TENM4: variants seen among roughly 807,000 people sequenced by gnomAD.
TENM4 encodes teneurin-4.
TENM4 carries 82 observed loss-of-function variants against 243.3 expected under a neutral mutation model. That is an observed-to-expected ratio of 0.34 (90% CI 0.28 to 0.40). The LOEUF (loss-of-function observed/expected upper bound fraction) is 0.40, where lower values mean the gene tolerates loss of function less well. Ranked by LOEUF, TENM4 falls within the 10% of genes least tolerant of loss-of-function variation. The probability of loss-of-function intolerance (pLI) is 1.00; values close to 1 mark genes in which losing one functional copy is unlikely to be tolerated. For missense variants in TENM4, 3,138 were observed against 3,673.3 expected, an observed-to-expected ratio of 0.85 and a Z score of 3.77; for synonymous variants, 1,412 against 1,456.3, an observed-to-expected ratio of 0.97 and a Z score of 0.69.
intron 10 of TENM4, among the ~76,000 whole-genome samples, chr11:78,862,206 G>A (rs925085453): frequency 2.0e-5 from 3 of 152,104 alleles, no homozygotes; most frequent in East Asian, 1.9e-4. Flanking sequence ...TGGAGATAGC[G>A]AGAGCCCTGG....
At chr11:79,244,180 A>G (rs1340163118) in intron 2 of TENM4, among the ~76,000 whole-genome samples, 2 of 152,176 alleles carry the variant, frequency 1.3e-5, no homozygotes, top group Non-Finnish European at 2.9e-5. Context: ...CTTGCATTTT[A>G]TAAAAGTCCC....
chr11:78,857,286 C>T (rs1402628509), intron 10 of TENM4, among the ~76,000 whole-genome samples: 1 of 152,048 alleles, frequency 6.6e-6, no homozygotes, highest in Non-Finnish European at 1.5e-5. Flanking sequence ...TAGAGATGTT[C>T]GAAGAGACAC....
chr11:79,428,611 C>T lies in TENM4; in HGVS notation c.-321+11898G>A, dbSNP rs1316945302. Among the ~76,000 whole-genome samples the T allele has an allele frequency of 4.6e-5, 7 of 152,346 alleles. No individual in the cohort carries two copies. The East Asian group carries it at 1.4e-3, about 29-fold the overall frequency. On this transcript the variant is annotated intron_variant, in intron 1 of 33. Transcript: ENST00000278550. Reference sequence around the variant, plus strand: ...GTAGGTCAAAGGACTATCATGACATCTCCAGGCAAGGGCCAGGCATTTCCC... The same window carrying T: ...GTAGGTCAAAGGACTATCATGACATTTCCAGGCAAGGGCCAGGCATTTCCC...
intron 2 of TENM4, among the ~76,000 whole-genome samples, chr11:79,294,667 G>A (rs1856417367): frequency 6.6e-6 from 1 of 152,256 alleles, no homozygotes; most frequent in Middle Eastern, 3.4e-3. Context: ...TGGCCAACAT[G>A]GTGAAACCCT....
At chr11:78,713,619 C>T (rs56664283) in intron 25 of TENM4, among the ~76,000 whole-genome samples, 10,292 of 152,180 alleles carry the variant, frequency 0.068, 840 homozygotes, top group African/African-American at 0.2. Flanking sequence ...TCGAATAGTC[C>T]TTATGTGCAA....
At position 79,089,756 on chromosome 11, in the gene TENM4, C is replaced by T. The variant is rs545299336; in HGVS notation, c.-65-19747G>A. Among the ~76,000 whole-genome samples the T allele has an allele frequency of 1.9e-4, 29 of 152,306 alleles. 1 individual carries two copies. The highest frequency in any genetic ancestry group is 6.0e-4 in the African/African-American group (25 of 41,570). ...TGAGACCTGGCTTTGTGATGCTAGA[C>T]GAATGACACTAATACACCAATAACA... is the stretch of plus-strand genomic sequence containing the variant. On this transcript the variant is annotated intron_variant, in intron 4 of 33. Coordinates refer to ENST00000278550, the MANE Select transcript of TENM4 (RefSeq NM_001098816.3).
intron 6 of TENM4, among the ~76,000 whole-genome samples, chr11:79,043,375 T>G (rs2136910127): frequency 6.6e-6 from 1 of 152,236 alleles, no homozygotes; most frequent in African/African-American, 2.4e-5. Flanking sequence ...GCCATATGAG[T>G]AATTCAGGCC....
At chr11:79,133,795 A>G (rs1207775096) in intron 4 of TENM4, among the ~76,000 whole-genome samples, 1 of 152,220 alleles carries the variant, frequency 6.6e-6, no homozygotes, top group African/African-American at 2.4e-5. Flanking sequence ...AAAATTCAGC[A>G]TCCCTTTATG....
At chr11:78,926,319 C>T (rs895739453) in intron 6 of TENM4, among the ~76,000 whole-genome samples, 1 of 150,482 alleles carries the variant, frequency 6.6e-6, no homozygotes, top group Non-Finnish European at 1.5e-5. Context: ...CTCTGTCGCC[C>T]AGGCTGGAGT....
At chr11:79,251,596 G>A (rs2135304704) in intron 2 of TENM4, among the ~76,000 whole-genome samples, 1 of 152,132 alleles carries the variant, frequency 6.6e-6, no homozygotes, top group Middle Eastern at 3.4e-3. Flanking sequence ...TACATCACCT[G>A]AAAATGAGAT....
chr11:78,986,777 T>A (rs1478454170), intron 6 of TENM4, among the ~76,000 whole-genome samples: 2 of 152,204 alleles, frequency 1.3e-5, no homozygotes, highest in Non-Finnish European at 2.9e-5. Context: ...TTTTGCCATA[T>A]TGGCCAGGCT....
chr11:79,070,202 T>C (rs1860376382), intron 4 of TENM4, among the ~76,000 whole-genome samples, 193 bp from the exon 5 acceptor site: 1 of 152,184 alleles, frequency 6.6e-6, no homozygotes, highest in Non-Finnish European at 1.5e-5. Flanking sequence ...TTACAAATCC[T>C]GGCCCTTTTT....
At chr11:79,244,697 A>C (rs765198304) in intron 2 of TENM4, among the ~76,000 whole-genome samples, 13 of 152,356 alleles carry the variant, frequency 8.5e-5, no homozygotes, top group South Asian at 2.1e-4. Context: ...GGGGAATCTG[A>C]AATGAATCAT....
At chr11:79,058,525 C>T (rs941782505) in intron 6 of TENM4, among the ~76,000 whole-genome samples, 1 of 144,808 alleles carries the variant, frequency 6.9e-6, no homozygotes, top group Non-Finnish European at 1.5e-5. Context: ...GCCTGGACGA[C>T]AGAGTGAGAC....
chr11:79,386,922 C>T (rs1334818970), intron 1 of TENM4, among the ~76,000 whole-genome samples: 1 of 152,048 alleles, frequency 6.6e-6, no homozygotes, highest in African/African-American at 2.4e-5. Context: ...ACCCCAAGAC[C>T]AAATTAGTAC....
chr11:79,341,794 T>C (rs1210285879), intron 1 of TENM4, among the ~76,000 whole-genome samples: 1 of 152,220 alleles, frequency 6.6e-6, no homozygotes, highest in African/African-American at 2.4e-5. Context: ...AACAATGACC[T>C]AAAGCACATT....
intron 6 of TENM4, among the ~76,000 whole-genome samples, chr11:79,032,361 C>A (rs1201742723): frequency 2.6e-5 from 4 of 152,142 alleles, no homozygotes; most frequent in African/African-American, 7.2e-5. Context: ...CTCTTGTCCC[C>A]CTGCTTTATC....
At chr11:79,139,697 T>C (rs1377429195) in intron 4 of TENM4, among the ~76,000 whole-genome samples, 1 of 101,564 alleles carries the variant, frequency 9.8e-6, no homozygotes. Context: ...ATAAAATATA[T>C]ATAATATTTA....
In TENM4 at chr11:78,693,907, C is replaced by T. The variant is rs1204383016; in HGVS notation, c.5088-5681G>A. Among the ~76,000 whole-genome samples the T allele has an allele frequency of 5.3e-5, 8 of 151,928 alleles. No individual in the cohort carries two copies. The South Asian group carries it at 6.3e-4, about 12-fold the overall frequency. On this transcript the variant is annotated intron_variant, in intron 28 of 33. Coordinates refer to ENST00000278550, the MANE Select transcript of TENM4 (RefSeq NM_001098816.3). Reference sequence around the variant, plus strand: ...CTGGGTGCCTGTAATCCCAGCTACTCGGGAGGCTGAGGCAGGAGATTTGAT... The same window carrying T: ...CTGGGTGCCTGTAATCCCAGCTACTTGGGAGGCTGAGGCAGGAGATTTGAT...
Sources: allele counts gnomAD v4.1 joint callset (sites outside exome capture counted in the v4.1 genomes callset), GRCh38; gene constraint gnomAD v4.1.1; transcripts MANE v1.5; gene names NCBI Gene and HGNC (gene_info 2026-07-23, HGNC 2026-07-21).